The following CSMD1 variants were observed in gnomAD, a reference collection of about 807,000 sequenced individuals.
CSMD1 encodes the protein CUB and Sushi multiple domains 1.
In CSMD1, 213 loss-of-function variants were observed where a neutral mutation model predicts 417.5. The ratio of observed to expected loss-of-function variants is 0.51; its 90% CI spans 0.46 to 0.57. The LOEUF is 0.57. Among genes scored for constraint, CSMD1 ranks in the 20% least tolerant of loss-of-function variants. CSMD1 has a pLI of 0.00. For missense variants in CSMD1, 6,923 were observed against 4,529.7 expected (o/e 1.53, Z -15.17); for synonymous variants, 2,862 against 1,736.8 (o/e 1.65, Z -16.11).
At chr8:3,007,621 G>C (rs965969573) in intron 52 of CSMD1, among the ~76,000 whole-genome samples, 6 of 151,454 alleles carry the variant, frequency 4.0e-5, no homozygotes, top group Non-Finnish European at 7.4e-5. Flanking sequence ...GTCCTTCGTA[G>C]GGACATGGAT....
intron 2 of CSMD1, among the ~76,000 whole-genome samples, chr8:4,604,397 G>GTGTC (rs1188243865): frequency 1.1e-5 from 1 of 88,594 alleles, no homozygotes; most frequent in African/African-American, 2.9e-5. Flanking sequence ...GTGTGTGTGT[G>GTGTC]TGTGTGTGTG....
At chr8:4,292,188 C>T (rs976481918) in intron 3 of CSMD1, among the ~76,000 whole-genome samples, 1 of 152,064 alleles carries the variant, frequency 6.6e-6, no homozygotes, top group African/African-American at 2.4e-5. Context: ...AAGGGATGGA[C>T]TTATTTATTT....
At chr8:3,748,297 T>A (rs989300766) in intron 6 of CSMD1, among the ~76,000 whole-genome samples, 2 of 152,216 alleles carry the variant, frequency 1.3e-5, no homozygotes, top group Non-Finnish European at 2.9e-5. Flanking sequence ...ATTTAAAGGT[T>A]ATAATATATT....
At chr8:4,785,003 T>C (rs1257429974) in intron 1 of CSMD1, among the ~76,000 whole-genome samples, 2 of 152,204 alleles carry the variant, frequency 1.3e-5, no homozygotes, top group Non-Finnish European at 2.9e-5. Flanking sequence ...TTTTAACTGA[T>C]ATCAGAAATT....
intron 5 of CSMD1, among the ~76,000 whole-genome samples, chr8:3,940,279 T>C (rs774922452): frequency 7.2e-5 from 11 of 152,136 alleles, no homozygotes; most frequent in South Asian, 4.1e-4. Flanking sequence ...CTATTAATGA[T>C]AGACATTTTA....
chr8:3,729,473 G>C (rs1007495589), intron 6 of CSMD1, among the ~76,000 whole-genome samples: 2 of 152,182 alleles, frequency 1.3e-5, no homozygotes, highest in East Asian at 3.8e-4. Flanking sequence ...TCAAGTGCTT[G>C]AACATAGAGG....
At chr8:3,466,675 T>G (rs1414422882) in intron 12 of CSMD1, among the ~76,000 whole-genome samples, 1 of 150,972 alleles carries the variant, frequency 6.6e-6, no homozygotes, top group African/African-American at 2.4e-5. Context: ...GTGATCCGCC[T>G]GCCTTGGTCT....
chr8:3,168,728 A>G (rs1438885536), intron 37 of CSMD1, among the ~76,000 whole-genome samples: 1 of 152,158 alleles, frequency 6.6e-6, no homozygotes, highest in Non-Finnish European at 1.5e-5. Context: ...TTTATTTATC[A>G]TCTGGGAAAT....
chr8:3,264,270 G>A (rs73660629), intron 26 of CSMD1, among the ~76,000 whole-genome samples: 1 of 152,118 alleles, frequency 6.6e-6, no homozygotes, highest in South Asian at 2.1e-4. Flanking sequence ...ATAAGTACCT[G>A]GTTTGGAATT....
intron 8 of CSMD1, among the ~76,000 whole-genome samples, chr8:3,591,825 T>G (rs74498403): frequency 0.031 from 4,709 of 152,102 alleles, 263 homozygotes; most frequent in African/African-American, 0.11. Context: ...AGTGGATGGA[T>G]AGATGATAGG....
chr8:4,399,513 A>G (rs913899230), intron 3 of CSMD1, among the ~76,000 whole-genome samples: 3 of 152,142 alleles, frequency 2.0e-5, no homozygotes, highest in Middle Eastern at 3.2e-3. Context: ...TTAGCTTAAC[A>G]TTCAAGAAAC....
intron 5 of CSMD1, among the ~76,000 whole-genome samples, chr8:3,853,494 C>T (rs1040915658): frequency 5.3e-5 from 8 of 152,172 alleles, no homozygotes; most frequent in Non-Finnish European, 1.0e-4. Flanking sequence ...TGTTCACAGA[C>T]ACTTCTCAAG....
chr8:2,978,600 A>G lies in CSMD1; in HGVS notation c.8566+12T>C. ...GGTCTCTGCACAGAAATTGGGAATA[A>G]CCCTGACTTACCCAAACACTTGGGC... On this transcript the variant is annotated intron_variant, in intron 55 of 69. Coordinates refer to ENST00000635120, the MANE Select transcript of CSMD1 (RefSeq NM_033225.6). 4 of 1,570,230 alleles carry G rather than the reference A, an allele frequency of 2.5e-6. No homozygotes were observed. Among genetic ancestry groups the G allele is most frequent in the Non-Finnish European group, 3.5e-6 (4 of 1,157,342 alleles).
At chr8:4,094,747 A>G (rs1417113558) in intron 3 of CSMD1, among the ~76,000 whole-genome samples, 1 of 152,174 alleles carries the variant, frequency 6.6e-6, no homozygotes, top group Non-Finnish European at 1.5e-5. Flanking sequence ...ATTCAGACAA[A>G]TGATGGAGGT....
At chr8:3,310,198 A>C (rs1805215593) in intron 23 of CSMD1, among the ~76,000 whole-genome samples, 1 of 152,234 alleles carries the variant, frequency 6.6e-6, no homozygotes. Context: ...GCATAATGCC[A>C]AGAAGACAGG....
chr8:4,746,385 C>G (rs936624673), intron 1 of CSMD1, among the ~76,000 whole-genome samples: 2 of 152,174 alleles, frequency 1.3e-5, no homozygotes, highest in African/African-American at 2.4e-5. Flanking sequence ...TTTTCATTAT[C>G]CTGCAAATCT....
At chr8:4,922,862 G>C (rs1021577259) in intron 1 of CSMD1, among the ~76,000 whole-genome samples, 1 of 152,188 alleles carries the variant, frequency 6.6e-6, no homozygotes, top group African/African-American at 2.4e-5. Context: ...TAGTGCTAAA[G>C]TTTTAACTGG....
intron 1 of CSMD1, among the ~76,000 whole-genome samples, chr8:4,658,901 T>G (rs2130914749): frequency 6.6e-6 from 1 of 152,310 alleles, no homozygotes; most frequent in South Asian, 2.1e-4. Context: ...CTTTTCTATG[T>G]TATTGAAAAT....
chr8:4,519,679 G>A (rs769566998), intron 2 of CSMD1, among the ~76,000 whole-genome samples: 3 of 131,090 alleles, frequency 2.3e-5, no homozygotes, highest in African/African-American at 5.7e-5. Context: ...GGAGGCAGAG[G>A]TTACAGTGAG....
Sources: gnomAD v4.1 joint callset for allele counts (sites outside exome capture counted in the v4.1 genomes callset) on GRCh38, gnomAD v4.1.1 for gene constraint, MANE v1.5 for transcripts, NCBI Gene and HGNC (gene_info 2026-07-23, HGNC 2026-07-21) for gene names.